HMGA2: variants seen among roughly 807,000 people sequenced by gnomAD.
HMGA2 encodes high mobility group protein HMGI-C.
Under a neutral mutation model 19.1 loss-of-function variants are expected in HMGA2, and 8 were observed. That is an observed-to-expected ratio of 0.42 (90% CI 0.25 to 0.76). The LOEUF (loss-of-function observed/expected upper bound fraction) is 0.76. HMGA2 is among the 30% of genes least tolerant of loss of function. HMGA2 has a pLI of 0.28. For synonymous variants in HMGA2, 60 were observed against 48.8 expected (o/e 1.23, Z -0.96); for missense variants, 109 against 136.3 (o/e 0.80, Z 1.00).
At chr12:65,935,744 CT>C (rs556648196) in intron 3 of HMGA2, among the ~76,000 whole-genome samples, 3 of 151,332 alleles carry the variant, frequency 2.0e-5, no homozygotes, top group Admixed American at 6.6e-5. Flanking sequence ...GAAAAAGAAG[CT>C]TTTTTTTTCT....
intron 3 of HMGA2, among the ~76,000 whole-genome samples, chr12:65,876,141 T>C (rs1480312826): frequency 6.6e-6 from 1 of 152,156 alleles, no homozygotes; most frequent in African/African-American, 2.4e-5. Context: ...GTACAGGTCA[T>C]TCCATTATAT....
chr12:65,833,059 T>A (rs1414863982), intron 2 of HMGA2, among the ~76,000 whole-genome samples: 2 of 152,054 alleles, frequency 1.3e-5, no homozygotes, highest in African/African-American at 4.8e-5. Context: ...CTAACTTGGG[T>A]AATAGGCAGG....
chr12:65,960,450 TGTC>T (rs1592469608), intron 4 of HMGA2, among the ~76,000 whole-genome samples: 1 of 152,158 alleles, frequency 6.6e-6, no homozygotes, highest in African/African-American at 2.4e-5. Flanking sequence ...AATGCACACT[TGTC>T]GTACAGAATC....
intron 3 of HMGA2, among the ~76,000 whole-genome samples, chr12:65,933,720 G>A (rs1168099866): frequency 6.6e-6 from 1 of 152,142 alleles, no homozygotes; most frequent in African/African-American, 2.4e-5. Context: ...CATCAAAAAT[G>A]TCTTTATCTT....
chr12:65,917,996 A>G (rs1158713389), intron 3 of HMGA2, among the ~76,000 whole-genome samples: 1 of 152,218 alleles, frequency 6.6e-6, no homozygotes, highest in Non-Finnish European at 1.5e-5. Flanking sequence ...TCCAGTTTTG[A>G]TAAGTCAAAC....
At chr12:65,923,417 C>T (rs1875390991) in intron 3 of HMGA2, among the ~76,000 whole-genome samples, 1 of 152,180 alleles carries the variant, frequency 6.6e-6, no homozygotes, top group South Asian at 2.1e-4. Context: ...GGAACACTCA[C>T]CACCCACTAG....
intron 3 of HMGA2, among the ~76,000 whole-genome samples, chr12:65,847,765 T>C (rs1465757967): frequency 1.3e-5 from 2 of 152,214 alleles, no homozygotes; most frequent in African/African-American, 4.8e-5. Flanking sequence ...AAGCTCTCAA[T>C]AGGTCATAAT....
At chr12:65,919,935 G>A (rs1875243684) in intron 3 of HMGA2, among the ~76,000 whole-genome samples, 1 of 152,212 alleles carries the variant, frequency 6.6e-6, no homozygotes, top group African/African-American at 2.4e-5. Flanking sequence ...GGACTCTGAA[G>A]TCCATGACAT....
In HMGA2 at chr12:65,897,681, C is replaced by T. The variant is rs552988997; in HGVS notation, c.250-53702C>T. Among the ~76,000 whole-genome samples the T allele has an allele frequency of 1.8e-4, 27 of 152,260 alleles. No homozygotes were observed. The East Asian group carries it at 3.5e-3, about 20-fold the overall frequency. The stretch of plus-strand genomic sequence containing the variant: ...TTTGTCCTAAAGCAAGAAGAAAGGC[C>T]GGGCGTGGTGGCTCACGCCTGTAAT... On this transcript the variant is annotated intron_variant, in intron 3 of 4. Coordinates refer to ENST00000403681, the MANE Select transcript of HMGA2 (RefSeq NM_003483.6).
intron 3 of HMGA2, among the ~76,000 whole-genome samples, chr12:65,924,746 C>T (rs571660408): frequency 5.3e-5 from 8 of 152,210 alleles, no homozygotes; most frequent in Admixed American, 2.0e-4. Context: ...TGCAGTGAGC[C>T]GAGATCCTGC....
chr12:65,924,791 C>T (rs149327179), intron 3 of HMGA2, among the ~76,000 whole-genome samples: 8 of 152,094 alleles, frequency 5.3e-5, no homozygotes, highest in African/African-American at 1.9e-4. Flanking sequence ...AGCAAGACTC[C>T]GTCTCCAAAA....
intron 3 of HMGA2, among the ~76,000 whole-genome samples, chr12:65,850,714 T>C (rs960880059): frequency 2.6e-5 from 4 of 152,190 alleles, no homozygotes; most frequent in Admixed American, 2.6e-4. Context: ...CCTGTGCTTT[T>C]ATTTATTTTT....
intron 3 of HMGA2, chr12:65,858,939 A>C (rs1430649655): frequency 6.6e-6 from 1 of 152,228 alleles, no homozygotes; most frequent in Non-Finnish European, 1.5e-5. Flanking sequence ...AAATCTTGAC[A>C]GTTCTGGGAT....
intron 4 of HMGA2, chr12:65,956,863 A>G (rs1344949356): frequency 2.0e-5 from 3 of 152,222 alleles, no homozygotes; most frequent in African/African-American, 7.2e-5. Flanking sequence ...TACTCAATAT[A>G]TAATCTTTCT....
chr12:65,895,817 C>T (rs558837014), intron 3 of HMGA2, among the ~76,000 whole-genome samples: 89 of 152,226 alleles, frequency 5.8e-4, no homozygotes, highest in African/African-American at 2.0e-3. Flanking sequence ...TGCTTTGTTC[C>T]GCTCTGAGGA....
At chr12:65,891,144 G>A (rs188796517) in intron 3 of HMGA2, among the ~76,000 whole-genome samples, 64 of 152,196 alleles carry the variant, frequency 4.2e-4, no homozygotes, top group African/African-American at 1.4e-3. Context: ...AAACTCAGCC[G>A]CTCTGACCCT....
chr12:65,888,786 A>T (rs1004128768), intron 3 of HMGA2, among the ~76,000 whole-genome samples: 1 of 150,252 alleles, frequency 6.7e-6, no homozygotes, highest in Non-Finnish European at 1.5e-5. Flanking sequence ...GATGGTCTCG[A>T]CCTCCTGACC....
At chr12:65,846,659 C>G (rs1334849220) in intron 3 of HMGA2, among the ~76,000 whole-genome samples, 1 of 152,190 alleles carries the variant, frequency 6.6e-6, no homozygotes, top group Non-Finnish European at 1.5e-5. Context: ...TATTTGGTTG[C>G]TTGTCTCTTT....
intron 3 of HMGA2, among the ~76,000 whole-genome samples, chr12:65,916,393 G>T (rs149776081): frequency 1.6e-4 from 24 of 152,262 alleles, no homozygotes; most frequent in African/African-American, 5.5e-4. Flanking sequence ...GTCTTTTGAT[G>T]GATATGCTTG....
Sources: allele counts gnomAD v4.1 joint callset (sites outside exome capture counted in the v4.1 genomes callset), GRCh38; gene constraint gnomAD v4.1.1; transcripts MANE v1.5; gene names NCBI Gene and HGNC (gene_info 2026-07-23, HGNC 2026-07-21).